The following NF1 variants were observed in gnomAD, a reference collection of about 807,000 sequenced individuals.
The protein encoded by NF1 is neurofibromin.
NF1 carries 122 observed loss-of-function variants against 325.7 expected under a neutral mutation model. That is an observed-to-expected ratio of 0.37 (90% confidence interval 0.32 to 0.44). The LOEUF is 0.44. Ranked by LOEUF, NF1 falls within the 20% of genes least tolerant of loss-of-function variation. NF1 has a pLI of 1.00. For missense variants in NF1, 2,140 were observed against 3,415.4 expected (o/e 0.63, Z 9.31); for synonymous variants, 1,091 against 1,186.0 (o/e 0.92, Z 1.65).
chr17:31,275,011 T>G (rs2067976635), intron 36 of NF1, among the ~76,000 whole-genome samples: 1 of 152,182 alleles, frequency 6.6e-6, no homozygotes, highest in Admixed American at 6.5e-5. Flanking sequence ...TATCTTCTCT[T>G]TCTTATTTAT....
chr17:31,206,184 A>G (rs983824926), intron 11 of NF1, 56 bp from the exon 12 acceptor site: 13 of 1,599,948 alleles, frequency 8.1e-6, no homozygotes, highest in African/African-American at 2.7e-5. Context: ...TAAACAGAGC[A>G]TACAACTCAC....
intron 1 of NF1, among the ~76,000 whole-genome samples, chr17:31,149,303 C>A (rs1916778593): frequency 6.6e-6 from 1 of 151,904 alleles, no homozygotes. Context: ...CACACACACA[C>A]ACACACACAC....
intron 29 of NF1, among the ~76,000 whole-genome samples, chr17:31,239,366 T>C (rs2151441393): frequency 6.6e-6 from 1 of 152,178 alleles, no homozygotes; most frequent in Non-Finnish European, 1.5e-5. Flanking sequence ...AAGAGAAACT[T>C]CCCAAACTGA....
chr17:31,275,650 G>A (rs2067992684), intron 36 of NF1, among the ~76,000 whole-genome samples: 1 of 152,204 alleles, frequency 6.6e-6, no homozygotes, highest in East Asian at 1.9e-4. Context: ...ACAGTTAAGG[G>A]GGTACTACTG....
intron 37 of NF1, among the ~76,000 whole-genome samples, chr17:31,326,982 AGTGG>A (rs2069360272): frequency 2.4e-5 from 1 of 41,222 alleles, no homozygotes; most frequent in Non-Finnish European, 1.0e-4. Flanking sequence ...GCTGGAGTGC[AGTGG>A]CGTGATCTCA....
chr17:31,100,189 A>G (rs1311273480), intron 1 of NF1, among the ~76,000 whole-genome samples: 1 of 152,186 alleles, frequency 6.6e-6, no homozygotes, highest in East Asian at 1.9e-4. Context: ...TTGTAGTAGC[A>G]TATTTGTTGT....
At chr17:31,334,448 T>G (rs2069588677) in intron 39 of NF1, among the ~76,000 whole-genome samples, 2 of 152,190 alleles carry the variant, frequency 1.3e-5, no homozygotes, top group Non-Finnish European at 2.9e-5. Flanking sequence ...CTACATAAAT[T>G]TGAAAGCCTG....
intron 36 of NF1, among the ~76,000 whole-genome samples, chr17:31,266,449 A>G (rs1192440908): frequency 6.6e-6 from 1 of 151,774 alleles, no homozygotes; most frequent in Non-Finnish European, 1.5e-5. Flanking sequence ...CCCTTTAACA[A>G]CTCTAAGTAA....
chr17:31,356,709 A>G (rs1453010060), intron 52 of NF1, 127 bp downstream of exon 52: 2 of 1,352,380 alleles, frequency 1.5e-6, no homozygotes, highest in Admixed American at 2.2e-5. Flanking sequence ...CCATTTCTCA[A>G]AAGATAAACT....
chr17:31,374,104 G>T lies in NF1; in HGVS notation c.8469G>T (p.Lys2823Asn), dbSNP rs1203883572. The T allele has an allele frequency of 6.2e-7, 1 of 1,614,100 alleles. No homozygotes were observed. The highest frequency in any genetic ancestry group is 1.7e-5 in the Admixed American group (1 of 60,006). Residue 2823 changes from lysine (K) to asparagine (N), a missense_variant, in exon 58 of 58, where the codon AAG (lysine) becomes AAT (asparagine). Physicochemically the swap from Lys to Asn is moderately conservative, Grantham distance 94. This residue lies in a region of NF1 where 522 missense variants were observed against 749.0 expected (regional missense o/e 0.70). Transcript: ENST00000358273. ...ACGGATCCGCAAGCCAAGTGCAGAA[G>T]CAAAGAAGCGCTGGCAGTTTCAAAC... ...TRHGSASQVQKQRSAGSFKRN... is the reference protein window; with the variant it reads ...TRHGSASQVQNQRSAGSFKRN...
At chr17:31,335,297 A>ATATAT (rs2069632412) in intron 40 of NF1, among the ~76,000 whole-genome samples, 1 of 1,162 alleles carries the variant, frequency 8.6e-4, no homozygotes, top group South Asian at 0.071. Context: ...TATATATATA[A>ATATAT]TTATGCCTTG....
intron 36 of NF1, among the ~76,000 whole-genome samples, chr17:31,315,328 A>G (rs767296895): frequency 1.3e-5 from 2 of 152,194 alleles, no homozygotes; most frequent in Middle Eastern, 3.2e-3. Flanking sequence ...GAAAGAATGA[A>G]TAAGACCTAT....
At chr17:31,363,477 G>C (rs1272065238) in intron 57 of NF1, among the ~76,000 whole-genome samples, 2 of 130,248 alleles carry the variant, frequency 1.5e-5, no homozygotes, top group Non-Finnish European at 3.1e-5. Context: ...TCGCTCTGTC[G>C]CCGAGGCTGG....
intron 38 of NF1, among the ~76,000 whole-genome samples, chr17:31,329,596 T>A (rs1021142630): frequency 2.0e-5 from 3 of 152,222 alleles, no homozygotes; most frequent in African/African-American, 4.8e-5. Context: ...TCTCCTAAAT[T>A]GCTTAAATAT....
intron 4 of NF1, among the ~76,000 whole-genome samples, chr17:31,168,281 A>C (rs2065876844): frequency 6.6e-6 from 1 of 152,164 alleles, no homozygotes; most frequent in Non-Finnish European, 1.5e-5. Flanking sequence ...CAAACCCCAG[A>C]CATCATTTCA....
rs191730198 is a variant in NF1 at position 31,198,294 on chromosome 17, A to G, written c.889-2128A>G. Among the ~76,000 whole-genome samples the G allele has an allele frequency of 2.6e-5, 4 of 152,280 alleles. No individual in the cohort carries two copies. The East Asian group carries it at 7.7e-4, about 29-fold the overall frequency. On this transcript the variant is annotated intron_variant, in intron 8 of 57. Transcript: ENST00000358273. ...TAATGTTGGACCATAGAACTAATGA[A>G]GAGAAGTGTTCCCTTCTCTTTAATA...
intron 3 of NF1, among the ~76,000 whole-genome samples, chr17:31,160,881 T>A (rs1267052992): frequency 6.6e-6 from 1 of 152,232 alleles, no homozygotes; most frequent in African/African-American, 2.4e-5. Flanking sequence ...GTATAACTTA[T>A]GTAATGCATA....
chr17:31,254,023 T>C (rs950870022), intron 31 of NF1: 1 of 152,160 alleles, frequency 6.6e-6, no homozygotes, highest in African/African-American at 2.4e-5. Context: ...CCGGGCACTT[T>C]GGGAGACCAA....
intron 1 of NF1, among the ~76,000 whole-genome samples, chr17:31,131,540 A>G (rs1446930932): frequency 3.9e-5 from 6 of 152,162 alleles, no homozygotes; most frequent in Non-Finnish European, 8.8e-5. Context: ...TGTGCCAGTC[A>G]TCCTGATCCT....
Sources: gnomAD v4.1 joint callset for allele counts (sites outside exome capture counted in the v4.1 genomes callset) on GRCh38, gnomAD v4.1.1 for gene constraint, gnomAD v4.1.1 regional missense constraint, MANE v1.5 for transcripts, NCBI Gene and HGNC (gene_info 2026-07-23, HGNC 2026-07-21) for gene names.